Variants in COL4A2 observed in about 807,000 individuals in gnomAD.
The protein encoded by COL4A2 is collagen type IV alpha 2 chain, also known as collagen alpha-2(IV) chain.
Under a neutral mutation model 200.2 loss-of-function variants are expected in COL4A2, and 99 were observed. That is an observed-to-expected ratio of 0.49 (90% confidence interval 0.42 to 0.58). The LOEUF (loss-of-function observed/expected upper bound fraction) is 0.58. Among genes scored for constraint, COL4A2 ranks in the 20% least tolerant of loss-of-function variants. COL4A2 has a pLI of 0.00. For missense variants in COL4A2, 1,950 were observed against 2,314.1 expected, an observed-to-expected ratio of 0.84 and a Z score of 3.23; for synonymous variants, 897 against 900.6, an observed-to-expected ratio of 1.00 and a Z score of 0.07.
Position 110,376,677 on chromosome 13 carries a change from C to T in COL4A2, c.180+19125C>T, listed in dbSNP as rs369299452. On this transcript the variant is annotated intron_variant, in intron 4 of 47. Transcript: ENST00000360467. ...TGGGCCCCTTGGTAAAGCACAGATG[C>T]TAGTTCTGCAGGCCCAGGAGGGCCT... Among the ~76,000 whole-genome samples, 6 of 152,312 alleles carry T rather than the reference C, an allele frequency of 3.9e-5. No individual in the cohort carries two copies. In the East Asian group the frequency reaches 9.7e-4, roughly 25 times the overall value.
At chr13:110,331,599 T>C (rs1875916302) in intron 3 of COL4A2, among the ~76,000 whole-genome samples, 1 of 152,202 alleles carries the variant, frequency 6.6e-6, no homozygotes, top group Non-Finnish European at 1.5e-5. Flanking sequence ...CCGGCAGCTC[T>C]TGATTCAAAT....
At chr13:110,316,130 G>A (rs1885123649) in intron 3 of COL4A2, among the ~76,000 whole-genome samples, 1 of 152,190 alleles carries the variant, frequency 6.6e-6, no homozygotes, top group African/African-American at 2.4e-5. Context: ...ACCCAGTTCA[G>A]TGATCTCTCA....
Position 110,457,983 on chromosome 13 carries a change from A to G in COL4A2, c.1432+548A>G, listed in dbSNP as rs561093679. On this transcript the variant is annotated intron_variant, in intron 21 of 47. Transcript: ENST00000360467. Reference sequence around the variant, plus strand: ...CAGTCACCTCAGGGACTCTGCCCCTAGCTCGAGGCCGTCCTCTGTGAGGCT... The same window carrying G: ...CAGTCACCTCAGGGACTCTGCCCCTGGCTCGAGGCCGTCCTCTGTGAGGCT... 9.5e-4 allele frequency: 376 copies of G among 397,832 alleles called. 1 individual carries two copies. Among genetic ancestry groups the G allele is most frequent in the South Asian group, 3.2e-3 (168 of 51,894 alleles). The allele number at this position is 397,832 out of a possible 1,614,324, so 24.6% of individuals were successfully genotyped here. A position where few individuals can be genotyped will look rare whatever the true frequency, so the allele number is the denominator to read the frequency against.
chr13:110,406,091 A>G (rs11840942), intron 4 of COL4A2, among the ~76,000 whole-genome samples: 4,991 of 152,296 alleles, frequency 0.033, 240 homozygotes, highest in African/African-American at 0.11. Context: ...ATGACAAAGT[A>G]ATATTTGGCT....
At chr13:110,380,941 C>G (rs567842525) in intron 4 of COL4A2, among the ~76,000 whole-genome samples, 8 of 150,570 alleles carry the variant, frequency 5.3e-5, no homozygotes, top group African/African-American at 2.0e-4. Context: ...CTATCTCACA[C>G]CCATGGGCTC....
intron 4 of COL4A2, among the ~76,000 whole-genome samples, chr13:110,357,812 T>C (rs1379028224): frequency 6.6e-6 from 1 of 152,110 alleles, no homozygotes; most frequent in African/African-American, 2.4e-5. Flanking sequence ...ACAGAAAAGG[T>C]ACAGTAAAAA....
chr13:110,338,531 G>C (rs1439590977), intron 3 of COL4A2, among the ~76,000 whole-genome samples: 3 of 152,202 alleles, frequency 2.0e-5, no homozygotes, highest in Non-Finnish European at 2.9e-5. Flanking sequence ...GAGGGAGCTG[G>C]CCTGGGCCTT....
chr13:110,371,483 C>A (rs1418657411), intron 4 of COL4A2, among the ~76,000 whole-genome samples: 2 of 152,158 alleles, frequency 1.3e-5, no homozygotes, highest in African/African-American at 4.8e-5. Context: ...ACCTCCAGTG[C>A]TCAACATAGG....
intron 20 of COL4A2, chr13:110,456,875 C>A: frequency 2.1e-6 from 1 of 472,068 alleles, no homozygotes; most frequent in Non-Finnish European, 4.3e-6. Context: ...TGCGTGGGAC[C>A]CCAGGCGTCC....
intron 4 of COL4A2, among the ~76,000 whole-genome samples, chr13:110,389,097 G>A (rs1352402690): frequency 6.6e-6 from 1 of 152,146 alleles, no homozygotes; most frequent in Non-Finnish European, 1.5e-5. Context: ...ATAAAGGCAA[G>A]ACACTTCTCC....
At position 110,308,057 on chromosome 13, in the gene COL4A2, T is replaced by C; in HGVS notation, c.45-12T>C. ...GCACGTTCACGTCTCTCTTCCTCCC[T>C]TTCCCATGCAGGTGGCTGCTGCTGG... is the stretch of plus-strand genomic sequence containing the variant. On this transcript the variant is annotated splice_polypyrimidine_tract_variant and intron_variant, in intron 2 of 47. Transcript: ENST00000360467. 2 of 1,613,726 alleles carry C rather than the reference T, an allele frequency of 1.2e-6. No individual in the cohort carries two copies. The highest frequency in any genetic ancestry group is 1.7e-5 in the Admixed American group (1 of 60,030).
chr13:110,355,514 GTGT>G (rs371375709), intron 3 of COL4A2, among the ~76,000 whole-genome samples: 25 of 84,646 alleles, frequency 3.0e-4, no homozygotes, highest in Non-Finnish European at 4.3e-4. Context: ...TCACCTGTGT[GTGT>G]GGGGGAGGGC....
intron 45 of COL4A2, among the ~76,000 whole-genome samples, chr13:110,504,670 A>T (rs1161885430): frequency 1.3e-5 from 2 of 152,114 alleles, no homozygotes; most frequent in South Asian, 4.1e-4. Flanking sequence ...CAGTGGCGCA[A>T]TCTCAGCTCA....
chr13:110,371,967 G>A (rs1469320425), intron 4 of COL4A2, among the ~76,000 whole-genome samples: 15 of 152,128 alleles, frequency 9.9e-5, no homozygotes, highest in Admixed American at 9.2e-4. Flanking sequence ...GGCAGGAGTG[G>A]GTGGACAAGG....
At chr13:110,336,387 C>G (rs1383391614) in intron 3 of COL4A2, among the ~76,000 whole-genome samples, 1 of 152,108 alleles carries the variant, frequency 6.6e-6, no homozygotes, top group Non-Finnish European at 1.5e-5. Flanking sequence ...TGAAGTTGGA[C>G]AAGTAGGTTT....
chr13:110,394,384 A>G lies in COL4A2; in HGVS notation c.181-30350A>G, dbSNP rs531895566. On this transcript the variant is annotated intron_variant, in intron 4 of 47. Coordinates refer to ENST00000360467, the MANE Select transcript of COL4A2 (RefSeq NM_001846.4). ...TGGTTAGGCTGGTCAGCATTTGAACATGGAGGATAGGACAGTCACATGACA... is the reference window on the plus strand; with the variant it reads ...TGGTTAGGCTGGTCAGCATTTGAACGTGGAGGATAGGACAGTCACATGACA... Among the ~76,000 whole-genome samples the G allele has an allele frequency of 7.9e-5, 12 of 152,318 alleles. No individual in the cohort carries two copies. The South Asian group carries it at 2.1e-3, about 26-fold the overall frequency.
At chr13:110,369,333 A>AC (rs1877899762) in intron 4 of COL4A2, among the ~76,000 whole-genome samples, 1 of 152,220 alleles carries the variant, frequency 6.6e-6, no homozygotes, top group Non-Finnish European at 1.5e-5. Flanking sequence ...TTGAGCACCG[A>AC]CCTGGCACTC....
chr13:110,475,250 T>A (rs1017780191), intron 29 of COL4A2, among the ~76,000 whole-genome samples: 4 of 152,196 alleles, frequency 2.6e-5, no homozygotes, highest in African/African-American at 9.6e-5. Context: ...AAGATGCAAA[T>A]CAGCGCTGTC....
intron 4 of COL4A2, among the ~76,000 whole-genome samples, chr13:110,361,381 T>C (rs957097802): frequency 6.6e-6 from 1 of 152,210 alleles, no homozygotes; most frequent in Non-Finnish European, 1.5e-5. Flanking sequence ...TAGTTTGTTC[T>C]TTCCCACAGC....
Sources: allele counts gnomAD v4.1 joint callset (sites outside exome capture counted in the v4.1 genomes callset), GRCh38; gene constraint gnomAD v4.1.1; transcripts MANE v1.5; gene names NCBI Gene and HGNC (gene_info 2026-07-23, HGNC 2026-07-21).